FBXO34: variants seen among roughly 807,000 people sequenced by gnomAD.
FBXO34 encodes F-box protein 34.
FBXO34 carries 12 observed loss-of-function variants against 24.5 expected under a neutral mutation model. The observed-to-expected ratio is 0.49, with a 90% CI of 0.31 to 0.79. The LOEUF is 0.79. Ranked by LOEUF, FBXO34 falls within the 30% of genes least tolerant of loss-of-function variation. The pLI, the probability that FBXO34 is intolerant of heterozygous loss-of-function variation, is 0.04. For synonymous variants in FBXO34, 320 were observed against 311.9 expected, an observed-to-expected ratio of 1.03 and a Z score of -0.27; for missense variants, 823 against 857.7, an observed-to-expected ratio of 0.96 and a Z score of 0.51.
chr14:55,370,963 T>C (rs986832491), downstream of FBXO34, among the ~76,000 whole-genome samples: 1 of 151,956 alleles, frequency 6.6e-6, no homozygotes, highest in African/African-American at 2.4e-5. Context: ...CTTTTTCCCC[T>C]CCCTTTCAAA....
At chr14:55,401,856 T>C in the FBXO34 span, among the ~76,000 whole-genome samples, 1 of 152,168 alleles carries the variant, frequency 6.6e-6, no homozygotes, top group Non-Finnish European at 1.5e-5. Flanking sequence ...CCAGAGTTGA[T>C]CCTGTTAAGG....
At chr14:55,419,455 T>C in the FBXO34 span, among the ~76,000 whole-genome samples, 4 of 152,200 alleles carry the variant, frequency 2.6e-5, no homozygotes, top group African/African-American at 9.7e-5. Flanking sequence ...AACCTAGCTA[T>C]GCTATTAATT....
At chr14:55,389,790 A>G in the FBXO34 span, among the ~76,000 whole-genome samples, 4 of 152,252 alleles carry the variant, frequency 2.6e-5, no homozygotes, top group Non-Finnish European at 4.4e-5. Flanking sequence ...AGAAATGTAT[A>G]TGATGTTACA....
the FBXO34 span, among the ~76,000 whole-genome samples, chr14:55,420,232 G>A: frequency 4.6e-5 from 7 of 152,170 alleles, no homozygotes; most frequent in Non-Finnish European, 7.3e-5. Flanking sequence ...CACAATGCCC[G>A]GCTAATTTTT....
At chr14:55,425,856 G>A in the FBXO34 span, among the ~76,000 whole-genome samples, 2 of 152,150 alleles carry the variant, frequency 1.3e-5, no homozygotes, top group Non-Finnish European at 2.9e-5. Flanking sequence ...TGATCTCTAT[G>A]TGGGCAAGGG....
At chr14:55,414,502 A>G in the FBXO34 span, 12 of 1,359,328 alleles carry the variant, frequency 8.8e-6, 1 homozygote, top group Non-Finnish European at 1.2e-5. Context: ...AAAAATACCA[A>G]CATTTACTTA....
intron 1 of FBXO34, among the ~76,000 whole-genome samples, chr14:55,306,294 C>G (rs1283743301): frequency 2.6e-5 from 4 of 152,216 alleles, no homozygotes; most frequent in Non-Finnish European, 5.9e-5. Flanking sequence ...AAACCCACAA[C>G]AAACCACACA....
chr14:55,298,618 G>A, intron 1 of FBXO34: 1 of 1,204,144 alleles, frequency 8.3e-7, no homozygotes, highest in Non-Finnish European at 1.2e-6. Context: ...AGCCGGAGCG[G>A]GCGTTGAAGG....
Position 55,353,276 on chromosome 14 carries a change from G to GT in FBXO34, c.*762dup, listed in dbSNP as rs60593247. The GT allele has an allele frequency of 0.029, 4,741 of 160,870 alleles. 92 individuals are homozygous for GT. Among genetic ancestry groups the GT allele is most frequent in the Middle Eastern group, 0.082 (23 of 282 alleles). 10.0% of individuals were successfully genotyped at this position (160,870 alleles called of 1,614,324 possible). On this transcript the variant is annotated 3_prime_UTR_variant, in exon 2 of 2. Coordinates refer to ENST00000313833, the MANE Select transcript of FBXO34 (RefSeq NM_017943.4). ...GATAGTGTTGCGGCTATAATTTTGTGTTTTTTTTTTTTAATTGTCTAGTCT... is the reference window on the plus strand; with the variant it reads ...GATAGTGTTGCGGCTATAATTTTGTGTTTTTTTTTTTTTAATTGTCTAGTCT...
chr14:55,373,102 C>G (rs1334857430), downstream of FBXO34, among the ~76,000 whole-genome samples: 1 of 152,206 alleles, frequency 6.6e-6, no homozygotes, highest in Non-Finnish European at 1.5e-5. Flanking sequence ...GCTAGAGACA[C>G]AGCACACACA....
intron 1 of FBXO34, among the ~76,000 whole-genome samples, chr14:55,279,293 A>G (rs946069120): frequency 5.3e-5 from 8 of 151,844 alleles, no homozygotes; most frequent in Non-Finnish European, 1.0e-4. Context: ...TCAAAAAAAA[A>G]AAAAAAGGAA....
chr14:55,428,117 A>ATTTTTTTTTTTT, the FBXO34 span, among the ~76,000 whole-genome samples: 1 of 48,332 alleles, frequency 2.1e-5, no homozygotes, highest in Non-Finnish European at 4.1e-5. Flanking sequence ...CACATGCCTT[A>ATTTTTTTTTTTT]TCTTTTTTTT....
intron 1 of FBXO34, among the ~76,000 whole-genome samples, chr14:55,281,763 G>A (rs1473094901): frequency 6.6e-6 from 1 of 152,102 alleles, no homozygotes; most frequent in Non-Finnish European, 1.5e-5. Context: ...CAGCACGTTG[G>A]CATTTCATTG....
downstream of FBXO34, chr14:55,366,401 A>C (rs546503675): frequency 2.0e-5 from 3 of 152,686 alleles, no homozygotes; most frequent in African/African-American, 7.2e-5. Flanking sequence ...TACTGTTAAA[A>C]GATTTATTGC....
intron 1 of FBXO34, among the ~76,000 whole-genome samples, chr14:55,283,004 C>A (rs146539900): frequency 6.6e-6 from 1 of 152,202 alleles, no homozygotes. Context: ...GGATTATTCT[C>A]TGGAGGTTGT....
the FBXO34 span, among the ~76,000 whole-genome samples, chr14:55,441,764 CT>C: frequency 2.6e-5 from 4 of 151,658 alleles, no homozygotes; most frequent in African/African-American, 9.7e-5. Flanking sequence ...TAATTGATAC[CT>C]TTTTTCTTTT....
At chr14:55,405,931 A>T in the FBXO34 span, among the ~76,000 whole-genome samples, 3 of 150,740 alleles carry the variant, frequency 2.0e-5, no homozygotes, top group African/African-American at 7.3e-5. Flanking sequence ...AAAGCAGAGG[A>T]GGTATTGTTC....
chr14:55,436,121 C>G, the FBXO34 span, among the ~76,000 whole-genome samples: 1 of 152,120 alleles, frequency 6.6e-6, no homozygotes, highest in Non-Finnish European at 1.5e-5. Context: ...TGCTAAAGAG[C>G]CTTTCCTAAA....
chr14:55,416,491 C>A, the FBXO34 span, among the ~76,000 whole-genome samples: 1 of 151,902 alleles, frequency 6.6e-6, no homozygotes, highest in African/African-American at 2.4e-5. Flanking sequence ...TTATTCATTG[C>A]CAAAAAGTTT....
Sources: gnomAD v4.1 joint callset for allele counts (sites outside exome capture counted in the v4.1 genomes callset) on GRCh38, gnomAD v4.1.1 for gene constraint, MANE v1.5 for transcripts, NCBI Gene and HGNC (gene_info 2026-07-23, HGNC 2026-07-21) for gene names.